Variants in PAX5 observed in about 807,000 individuals in gnomAD.
PAX5 encodes paired box 5.
A neutral mutation model predicts 43.7 loss-of-function variants in PAX5; 9 were observed. The observed-to-expected ratio is 0.21, with a 90% CI of 0.12 to 0.36. The LOEUF (loss-of-function observed/expected upper bound fraction) is 0.36, where lower values mean the gene tolerates loss of function less well. Among genes scored for constraint, PAX5 ranks in the 10% least tolerant of loss-of-function variants. PAX5 has a pLI of 1.00. For synonymous variants in PAX5, 228 were observed against 214.3 expected (o/e 1.06, Z -0.56); for missense variants, 383 against 532.7 (o/e 0.72, Z 2.77).
At chr9:36,930,258 C>T (rs959606705) in intron 6 of PAX5, among the ~76,000 whole-genome samples, 1 of 126,242 alleles carries the variant, frequency 7.9e-6, no homozygotes, top group Non-Finnish European at 1.6e-5. Flanking sequence ...AGGTCTTGCT[C>T]TCTCACCCAG....
chr9:36,839,407 C>G lies in PAX5; in HGVS notation c.*1153G>C. The G allele has an allele frequency of 4.3e-6, 1 of 233,774 alleles. No homozygotes were observed. The highest frequency in any genetic ancestry group is 5.6e-5 in the Admixed American group (1 of 17,810). The allele number at this position is 233,774 out of a possible 1,614,324, so 14.5% of individuals were successfully genotyped here. On this transcript the variant is annotated 3_prime_UTR_variant, in exon 10 of 10. Transcript: ENST00000358127. The stretch of plus-strand genomic sequence containing the variant: ...ATGCCCAGCTGCCTGCTAAGCTCCA[C>G]GAGGACGGGGAGGGTCTGCCCCGAG...
intron 1 of PAX5, chr9:37,026,461 T>A: frequency 8.1e-7 from 1 of 1,235,086 alleles, no homozygotes; most frequent in Non-Finnish European, 1.1e-6. Flanking sequence ...CCTTAGTACC[T>A]GACCCACGGT....
chr9:36,914,584 C>A (rs1421842873), intron 7 of PAX5, among the ~76,000 whole-genome samples: 2 of 152,192 alleles, frequency 1.3e-5, no homozygotes, highest in Non-Finnish European at 2.9e-5. Context: ...TCATTTACCT[C>A]ATAGGGCATT....
chr9:36,869,895 A>AATGGATGG lies in PAX5; in HGVS notation c.1012+12101_1012+12108dup, dbSNP rs371489118. On this transcript the variant is annotated intron_variant, in intron 8 of 9. Transcript: ENST00000358127. The stretch of plus-strand genomic sequence containing the variant: ...GGATAAATGGATGGATGGATGGATA[A>AATGGATGG]ATGGATGGATGGATGGATGGATGGA... 6.5e-4 allele frequency among the ~76,000 whole-genome samples: 32 copies of AATGGATGG among 49,410 alleles called. 1 individual carries two copies. The highest frequency in any genetic ancestry group is 9.9e-4 in the African/African-American group (14 of 14,152). 32.4% of individuals were successfully genotyped at this position (49,410 alleles called of 152,430 possible). A position where few individuals can be genotyped will look rare whatever the true frequency, so the allele number is the denominator to read the frequency against.
chr9:36,941,160 C>T lies in PAX5; in HGVS notation c.781-17676G>A, dbSNP rs963626166. On this transcript the variant is annotated intron_variant, in intron 6 of 9. Transcript: ENST00000358127. ...TAAGCCAGCAGGCTCAGGAAGCAGA[C>T]AGAGCTGGGTTAGAACCCCAGCACC... is the stretch of plus-strand genomic sequence containing the variant. Among the ~76,000 whole-genome samples, 3 of 152,332 alleles carry T rather than the reference C, an allele frequency of 2.0e-5. No individual in the cohort carries two copies. In the East Asian group the frequency reaches 5.8e-4, roughly 29 times the overall value.
chr9:36,970,414 G>A (rs1019352504), intron 5 of PAX5, among the ~76,000 whole-genome samples: 5 of 152,182 alleles, frequency 3.3e-5, no homozygotes, highest in African/African-American at 1.2e-4. Context: ...GAGGGATTGA[G>A]CCAGACAGCC....
chr9:36,933,664 TCCAGCTGGGGAAA>T (rs1455132456), intron 6 of PAX5, among the ~76,000 whole-genome samples: 1 of 152,190 alleles, frequency 6.6e-6, no homozygotes, highest in East Asian at 1.9e-4. Flanking sequence ...ACTATCCTCC[TCCAGCTGGGGAAA>T]GAGCACTGAA....
At position 36,908,912 on chromosome 9, in the gene PAX5, T is replaced by C. The variant is rs537612944; in HGVS notation, c.910+14443A>G. ...CCACTGAAATTATTTTTTTAATTGA[T>C]GCTACACTTTACACAAATATTAATT... is the stretch of plus-strand genomic sequence containing the variant. On this transcript the variant is annotated intron_variant, in intron 7 of 9. Transcript: ENST00000358127. Among the ~76,000 whole-genome samples, 16 of 152,364 alleles carry C rather than the reference T, an allele frequency of 1.1e-4. No individual in the cohort carries two copies. In the East Asian group the frequency reaches 3.1e-3, roughly 29 times the overall value.
At chr9:36,943,434 G>A (rs554812465) in intron 6 of PAX5, among the ~76,000 whole-genome samples, 187 of 151,616 alleles carry the variant, frequency 1.2e-3, no homozygotes, top group African/African-American at 3.1e-3. Flanking sequence ...CGTTACTTTC[G>A]AAAATCAGAT....
At chr9:36,939,401 G>T (rs1831840333) in intron 6 of PAX5, among the ~76,000 whole-genome samples, 1 of 152,152 alleles carries the variant, frequency 6.6e-6, no homozygotes, top group South Asian at 2.1e-4. Context: ...CAGACCCTGG[G>T]TAGGCCCTGC....
intron 6 of PAX5, among the ~76,000 whole-genome samples, chr9:36,946,048 C>T (rs1832475850): frequency 6.6e-6 from 1 of 152,176 alleles, no homozygotes; most frequent in Non-Finnish European, 1.5e-5. Context: ...GGAAACTCTG[C>T]AGTGCTCCAT....
chr9:36,995,570 G>C (rs913901955), intron 5 of PAX5, among the ~76,000 whole-genome samples: 1 of 152,082 alleles, frequency 6.6e-6, no homozygotes. Context: ...AGGAAAGGAG[G>C]GAGAGGAAAA....
At chr9:36,996,793 T>C (rs995139898) in intron 5 of PAX5, among the ~76,000 whole-genome samples, 1 of 151,762 alleles carries the variant, frequency 6.6e-6, no homozygotes, top group African/African-American at 2.4e-5. Flanking sequence ...GCGTCCAGCC[T>C]GAAAGAGACA....
At chr9:36,888,085 A>T (rs1470179344) in intron 7 of PAX5, among the ~76,000 whole-genome samples, 1 of 152,266 alleles carries the variant, frequency 6.6e-6, no homozygotes, top group African/African-American at 2.4e-5. Context: ...ACACCACTTC[A>T]TACCCACTGG....
At chr9:36,875,372 T>C (rs936960418) in intron 8 of PAX5, among the ~76,000 whole-genome samples, 4 of 152,230 alleles carry the variant, frequency 2.6e-5, no homozygotes, top group African/African-American at 9.6e-5. Context: ...CCTTGATTAT[T>C]GTACAGCTCT....
intron 9 of PAX5, among the ~76,000 whole-genome samples, chr9:36,845,416 C>T (rs773619406): frequency 6.6e-6 from 1 of 152,178 alleles, no homozygotes; most frequent in African/African-American, 2.4e-5. Context: ...ATTAGGTAAG[C>T]GGATATCTTG....
At chr9:36,849,777 C>A (rs930500633) in intron 8 of PAX5, among the ~76,000 whole-genome samples, 2 of 152,220 alleles carry the variant, frequency 1.3e-5, no homozygotes, top group Non-Finnish European at 2.9e-5. Flanking sequence ...GTGGTGGGCA[C>A]CCCCAACATG....
At chr9:36,855,126 C>A (rs781465661) in intron 8 of PAX5, among the ~76,000 whole-genome samples, 1 of 152,260 alleles carries the variant, frequency 6.6e-6, no homozygotes, top group Non-Finnish European at 1.5e-5. Flanking sequence ...AACTCCACTG[C>A]GGCATCACGG....
chr9:36,961,843 C>T (rs577432003), intron 6 of PAX5, among the ~76,000 whole-genome samples: 1 of 152,362 alleles, frequency 6.6e-6, no homozygotes, highest in Non-Finnish European at 1.5e-5. Flanking sequence ...CACGCACACA[C>T]ACTCGCCACC....
Sources: allele counts gnomAD v4.1 joint callset (sites outside exome capture counted in the v4.1 genomes callset), GRCh38; gene constraint gnomAD v4.1.1; transcripts MANE v1.5; gene names NCBI Gene and HGNC (gene_info 2026-07-23, HGNC 2026-07-21).